The following C2CD3 variants were observed in gnomAD, a reference collection of about 807,000 sequenced individuals.
C2CD3 encodes the protein C2 domain containing 3 centriole elongation regulator.
In C2CD3, 148 loss-of-function variants were observed where a neutral mutation model predicts 234.0. That is an observed-to-expected ratio of 0.63 (90% confidence interval 0.55 to 0.72). C2CD3 has a LOEUF of 0.72. C2CD3 is among the 30% of genes least tolerant of loss of function. The pLI, the probability that C2CD3 is intolerant of heterozygous loss-of-function variation, is 0.00. For missense variants in C2CD3, 2,577 were observed against 2,811.5 expected, an observed-to-expected ratio of 0.92 and a Z score of 1.89; for synonymous variants, 1,000 against 1,035.4, an observed-to-expected ratio of 0.97 and a Z score of 0.66.
chr11:74,050,852 G>A (rs1394550238), intron 26 of C2CD3, among the ~76,000 whole-genome samples: 5 of 151,704 alleles, frequency 3.3e-5, no homozygotes, highest in South Asian at 2.1e-4. Flanking sequence ...GAAAGCACAA[G>A]TAAACTGGCC....
intron 3 of C2CD3, among the ~76,000 whole-genome samples, chr11:74,146,747 C>A (rs61901249): frequency 1.4e-5 from 2 of 144,004 alleles, no homozygotes; most frequent in Non-Finnish European, 3.1e-5. Flanking sequence ...CACACACACA[C>A]AATTAACATA....
At chr11:74,118,165 G>C (rs1590857535) in intron 9 of C2CD3, 63 bp downstream of exon 9, 1 of 1,350,800 alleles carries the variant, frequency 7.4e-7, no homozygotes, top group Non-Finnish European at 1.0e-6. Context: ...TTCACCTTGG[G>C]AGATCTTGTG....
chr11:74,146,747 C>CACACACACACACACAT (rs58129019), intron 3 of C2CD3, among the ~76,000 whole-genome samples: 4,645 of 143,984 alleles, frequency 0.032, 127 homozygotes, highest in South Asian at 0.057. Context: ...CACACACACA[C>CACACACACACACACAT]AATTAACATA....
At chr11:74,069,050 A>T (rs771637741) in intron 24 of C2CD3, among the ~76,000 whole-genome samples, 2 of 152,208 alleles carry the variant, frequency 1.3e-5, no homozygotes, top group African/African-American at 2.4e-5. Flanking sequence ...TGTCTGCCTC[A>T]GCCTCCCAAA....
intron 22 of C2CD3, among the ~76,000 whole-genome samples, chr11:74,083,186 T>G (rs1304840028): frequency 6.6e-6 from 1 of 152,078 alleles, no homozygotes; most frequent in Non-Finnish European, 1.5e-5. Context: ...AAACAAGAAA[T>G]GGGGAAAGGA....
rs1957263521 is a variant in C2CD3, at chr11:74,122,871, G to C, written c.1365+117C>G. Reference sequence around the variant, plus strand: ...AAGATAATACTTTCCTCTTGAGGTTGTCATTAAAATTAAGTAAGGTAAGTT... The same window carrying C: ...AAGATAATACTTTCCTCTTGAGGTTCTCATTAAAATTAAGTAAGGTAAGTT... On this transcript the variant is annotated intron_variant, in intron 8 of 32. Coordinates refer to ENST00000334126, the MANE Select transcript of C2CD3 (RefSeq NM_001286577.2). 5 of 699,092 alleles carry C rather than the reference G, an allele frequency of 7.2e-6. No individual in the cohort carries two copies. The South Asian group carries it at 9.8e-5, about 14-fold the overall frequency. 43.3% of individuals were successfully genotyped at this position (699,092 alleles called of 1,614,324 possible). A position where few individuals can be genotyped will look rare whatever the true frequency, so the allele number is the denominator to read the frequency against.
At position 74,095,860 on chromosome 11, in the gene C2CD3, C is replaced by A. The variant is rs372391344; in HGVS notation, c.2980-452G>T. ...GGAAGAAGGGTAACACCAGACCAAA[C>A]TAATATCATAATTTAAGAAAAAAAG... On this transcript the variant is annotated intron_variant, in intron 16 of 32. Coordinates refer to ENST00000334126, the MANE Select transcript of C2CD3 (RefSeq NM_001286577.2). 5.9e-5 allele frequency among the ~76,000 whole-genome samples: 9 copies of A among 152,258 alleles called. No individual in the cohort carries two copies. The East Asian group carries it at 1.5e-3, about 26-fold the overall frequency.
At chr11:74,122,004 G>A (rs1957235067) in intron 8 of C2CD3, among the ~76,000 whole-genome samples, 1 of 152,130 alleles carries the variant, frequency 6.6e-6, no homozygotes, top group Admixed American at 6.6e-5. Context: ...CCCCACTGTA[G>A]GGTTGCCAGA....
At chr11:74,120,296 G>A (rs1288505571) in intron 8 of C2CD3, among the ~76,000 whole-genome samples, 1 of 151,944 alleles carries the variant, frequency 6.6e-6, no homozygotes. Flanking sequence ...CCACCCTACA[G>A]GCCCTGGTGT....
Position 74,114,653 on chromosome 11 carries a change from T to C in C2CD3, c.1521-60A>G. 6 of 1,102,414 alleles carry C rather than the reference T, an allele frequency of 5.4e-6. No homozygotes were observed. In the South Asian group the frequency reaches 6.2e-5, roughly 11 times the overall value. The allele number at this position is 1,102,414 out of a possible 1,614,324, so 68.3% of individuals were successfully genotyped here. ...GCTACAGGCTTCACATGAAACAATC[T>C]AGTTTGCACAGGCAAGATGAGGAAA... is the stretch of plus-strand genomic sequence containing the variant. On this transcript the variant is annotated intron_variant, in intron 9 of 32. Transcript: ENST00000334126.
intron 28 of C2CD3, among the ~76,000 whole-genome samples, chr11:74,046,401 T>C (rs559496802): frequency 1.3e-5 from 2 of 152,176 alleles, no homozygotes; most frequent in East Asian, 3.9e-4. Flanking sequence ...TGAAGTGCAG[T>C]GGTGTGATCA....
chr11:74,159,611 G>A (rs1160258855), intron 3 of C2CD3, among the ~76,000 whole-genome samples: 1 of 151,890 alleles, frequency 6.6e-6, no homozygotes. Context: ...TTGCATACCT[G>A]TAAAATGTGT....
chr11:74,095,193 A>T, intron 17 of C2CD3, 35 bp downstream of exon 17: 1 of 1,407,044 alleles, frequency 7.1e-7, no homozygotes, highest in Non-Finnish European at 9.6e-7. Context: ...TAAAAGAACC[A>T]TATAAGAATA....
chr11:74,147,052 AAAAAT>A (rs200057554), intron 3 of C2CD3, among the ~76,000 whole-genome samples: 7 of 149,596 alleles, frequency 4.7e-5, no homozygotes, highest in South Asian at 2.1e-4. Context: ...CTCTGTCTCA[AAAAAT>A]AAAATAAAAT....
At chr11:74,075,365 T>C (rs1954988654) in intron 23 of C2CD3, among the ~76,000 whole-genome samples, 2 of 40,850 alleles carry the variant, frequency 4.9e-5, no homozygotes, top group Non-Finnish European at 1.3e-4. Context: ...GGGCGATATT[T>C]TGGGGGGGGG....
At position 74,116,865 on chromosome 11, in the gene C2CD3, C is replaced by CGT. The variant is rs1039490756; in HGVS notation, c.1520+1361_1520+1362dup. Among the ~76,000 whole-genome samples the CGT allele has an allele frequency of 6.9e-5, 9 of 130,990 alleles. No homozygotes were observed. The South Asian group carries it at 7.0e-4, about 10-fold the overall frequency. The allele number at this position is 130,990 out of a possible 152,430, so 85.9% of individuals were successfully genotyped here. ...ATACACGTGTATATGTGTATATACA[C>CGT]GTGTATATGTATATATACACACGTG... On this transcript the variant is annotated intron_variant, in intron 9 of 32. Transcript: ENST00000334126.
In C2CD3 at chr11:74,049,324, T is replaced by A. The variant is rs774786772; in HGVS notation, c.5361+13A>T. 2 of 1,607,332 alleles carry A rather than the reference T, an allele frequency of 1.2e-6. No individual in the cohort carries two copies. Among genetic ancestry groups the A allele is most frequent in the Non-Finnish European group, 1.7e-6 (2 of 1,173,798 alleles). On this transcript the variant is annotated intron_variant, in intron 27 of 32. Coordinates refer to ENST00000334126, the MANE Select transcript of C2CD3 (RefSeq NM_001286577.2). ...AATTCGTATTGGTTAGGGATGTGAA[T>A]CTCCATACATACCAGTGATTTTGAG...
At chr11:74,094,507 A>C (rs182609736) in intron 17 of C2CD3, among the ~76,000 whole-genome samples, 1 of 152,292 alleles carries the variant, frequency 6.6e-6, no homozygotes, top group Non-Finnish European at 1.5e-5. Context: ...AATGGCAAAA[A>C]GTTCGAGTCA....
chr11:74,120,021 T>C (rs1957159012), intron 8 of C2CD3, among the ~76,000 whole-genome samples: 1 of 152,162 alleles, frequency 6.6e-6, no homozygotes, highest in Admixed American at 6.5e-5. Context: ...GGTTATTGAC[T>C]AGTGCAACTG....
Sources: allele counts gnomAD v4.1 joint callset (sites outside exome capture counted in the v4.1 genomes callset), GRCh38; gene constraint gnomAD v4.1.1; transcripts MANE v1.5; gene names NCBI Gene and HGNC (gene_info 2026-07-23, HGNC 2026-07-21).